Variants in CTNNA3 observed in about 807,000 individuals in gnomAD.
CTNNA3 encodes catenin alpha-3.
A neutral mutation model predicts 95.7 loss-of-function variants in CTNNA3; 76 were observed. That is an observed-to-expected ratio of 0.79 (90% CI 0.66 to 0.96). The LOEUF (loss-of-function observed/expected upper bound fraction) is 0.96. Ranked by LOEUF, CTNNA3 falls within the 40% of genes least tolerant of loss-of-function variation. The pLI is 0.00. For synonymous variants in CTNNA3, 431 were observed against 374.4 expected, an observed-to-expected ratio of 1.15 and a Z score of -1.74; for missense variants, 1,191 against 1,089.8, an observed-to-expected ratio of 1.09 and a Z score of -1.31.
intron 10 of CTNNA3, among the ~76,000 whole-genome samples, chr10:66,582,233 G>C (rs1843213252): frequency 6.6e-6 from 1 of 151,712 alleles, no homozygotes; most frequent in South Asian, 2.1e-4. Context: ...TTGCTTTGGA[G>C]TGTATGGTCA....
intron 5 of CTNNA3, among the ~76,000 whole-genome samples, chr10:67,344,851 C>G (rs1842353101): frequency 6.6e-6 from 1 of 151,848 alleles, no homozygotes; most frequent in African/African-American, 2.4e-5. Context: ...TATTTCTGCT[C>G]TAATCTTTAT....
At chr10:67,028,596 T>C (rs1853530943) in intron 7 of CTNNA3, among the ~76,000 whole-genome samples, 1 of 151,456 alleles carries the variant, frequency 6.6e-6, no homozygotes, top group Non-Finnish European at 1.5e-5. Context: ...ATGAGAATTT[T>C]CCAGGCCAAG....
chr10:66,851,633 TACACACACACACACACACACAC>T (rs35986426), intron 7 of CTNNA3, among the ~76,000 whole-genome samples: 2 of 144,380 alleles, frequency 1.4e-5, no homozygotes, highest in African/African-American at 5.2e-5. Context: ...TTCTCTCACA[TACACACACACACACACACACAC>T]ACACACACAC....
chr10:67,661,285 AG>A (rs1840180584), intron 1 of CTNNA3, among the ~76,000 whole-genome samples: 2 of 141,768 alleles, frequency 1.4e-5, no homozygotes, highest in African/African-American at 2.5e-5. Flanking sequence ...AAAGAGAAAA[AG>A]GAGGGAGGGA....
At chr10:66,751,381 G>A (rs796951997) in intron 9 of CTNNA3, among the ~76,000 whole-genome samples, 11 of 152,294 alleles carry the variant, frequency 7.2e-5, no homozygotes, top group African/African-American at 2.6e-4. Context: ...ATTAGTTCCA[G>A]AAAGAGTTTT....
chr10:66,968,670 T>C (rs1849563814), intron 7 of CTNNA3, among the ~76,000 whole-genome samples: 1 of 152,108 alleles, frequency 6.6e-6, no homozygotes, highest in Admixed American at 6.6e-5. Context: ...TGAAACTGGG[T>C]ATACAGCACC....
chr10:67,053,068 T>C (rs1008318784), intron 7 of CTNNA3, among the ~76,000 whole-genome samples: 5 of 152,202 alleles, frequency 3.3e-5, no homozygotes, highest in African/African-American at 7.2e-5. Context: ...GCTAGAGCTA[T>C]ACCATCCCCT....
chr10:67,299,523 C>T (rs1017932220), intron 5 of CTNNA3, among the ~76,000 whole-genome samples: 1 of 152,078 alleles, frequency 6.6e-6, no homozygotes, highest in Non-Finnish European at 1.5e-5. Flanking sequence ...CCTTTTCTCC[C>T]GTGTAAAGTC....
At chr10:67,615,657 CTTT>C (rs746378840) in intron 2 of CTNNA3, among the ~76,000 whole-genome samples, 19 of 102,132 alleles carry the variant, frequency 1.9e-4, no homozygotes, top group African/African-American at 5.1e-4. Context: ...GGCAGGTATT[CTTT>C]TTTTTTTTTT....
At chr10:67,732,083 CT>C (rs937928340) in intron 1 of CTNNA3, among the ~76,000 whole-genome samples, 186 of 141,678 alleles carry the variant, frequency 1.3e-3, no homozygotes, top group Admixed American at 1.1e-3. Context: ...CCTGGCCCAT[CT>C]TTTTTTTTTT....
intron 7 of CTNNA3, among the ~76,000 whole-genome samples, chr10:66,870,426 A>C (rs1844351613): frequency 6.6e-6 from 1 of 152,202 alleles, no homozygotes. Context: ...AATCTAATAT[A>C]ATTCAATTTC....
chr10:67,718,270 A>G (rs997057880), intron 1 of CTNNA3, among the ~76,000 whole-genome samples: 2 of 152,188 alleles, frequency 1.3e-5, no homozygotes. Flanking sequence ...AACAGAGACA[A>G]TTTGACTTCC....
intron 11 of CTNNA3, among the ~76,000 whole-genome samples, chr10:66,422,331 G>A (rs1300760552): frequency 1.3e-5 from 2 of 152,096 alleles, no homozygotes; most frequent in Non-Finnish European, 2.9e-5. Context: ...TCTTACAGAT[G>A]TCTCAGTGAA....
At position 66,815,927 on chromosome 10, in the gene CTNNA3, G is replaced by A. The variant is rs190301874; in HGVS notation, c.1048-40403C>T. Among the ~76,000 whole-genome samples the A allele has an allele frequency of 3.4e-3, 522 of 152,232 alleles. 2 individuals are homozygous for A. The highest frequency in any genetic ancestry group is 6.3e-3 in the Non-Finnish European group (426 of 68,008). The stretch of plus-strand genomic sequence containing the variant: ...GAAGAAATAAAGAGCACCAGTAAAA[G>A]TTAACTACATAAGTAAATATAATAC... On this transcript the variant is annotated intron_variant, in intron 7 of 17. Coordinates refer to ENST00000433211, the MANE Select transcript of CTNNA3 (RefSeq NM_013266.4).
chr10:67,305,054 A>G (rs929376966), intron 5 of CTNNA3, among the ~76,000 whole-genome samples: 1 of 152,144 alleles, frequency 6.6e-6, no homozygotes, highest in Non-Finnish European at 1.5e-5. Context: ...AGGTGGGCGG[A>G]TCACGAAGTC....
In CTNNA3 at chr10:67,365,015, A is replaced by G. The variant is rs1290697411; in HGVS notation, c.580-145145T>C. Among the ~76,000 whole-genome samples, 4 of 152,196 alleles carry G rather than the reference A, an allele frequency of 2.6e-5. No individual in the cohort carries two copies. In the South Asian group the frequency reaches 8.3e-4, roughly 31 times the overall value. ...GTAACCAAAACAGCATGGTACTGGT[A>G]CCAAAACAGAAGCATAGACCAATGC... On this transcript the variant is annotated intron_variant, in intron 5 of 17. Transcript: ENST00000433211.
intron 5 of CTNNA3, among the ~76,000 whole-genome samples, chr10:67,244,301 C>T (rs1361716524): frequency 6.6e-6 from 1 of 152,118 alleles, no homozygotes; most frequent in East Asian, 1.9e-4. Context: ...TCAGGATGTT[C>T]TAAAATATAC....
chr10:67,152,454 G>A (rs1468296916), intron 7 of CTNNA3, among the ~76,000 whole-genome samples: 1 of 152,150 alleles, frequency 6.6e-6, no homozygotes, highest in African/African-American at 2.4e-5. Flanking sequence ...TACGTTTAGT[G>A]TCATAATTAG....
chr10:67,408,858 G>T (rs1845246250), intron 5 of CTNNA3, among the ~76,000 whole-genome samples: 1 of 96,754 alleles, frequency 1.0e-5, no homozygotes, highest in Admixed American at 1.7e-4. Flanking sequence ...CTAATATCCA[G>T]CATTTAAAAG....
Sources: allele counts gnomAD v4.1 joint callset (sites outside exome capture counted in the v4.1 genomes callset), GRCh38; gene constraint gnomAD v4.1.1; transcripts MANE v1.5; gene names NCBI Gene and HGNC (gene_info 2026-07-23, HGNC 2026-07-21).